The following SLC8A1 variants were observed in gnomAD, a reference collection of about 807,000 sequenced individuals.
The protein encoded by SLC8A1 is sodium/calcium exchanger 1.
In SLC8A1, 18 loss-of-function variants were observed where a neutral mutation model predicts 68.3. The observed-to-expected ratio is 0.26, with a 90% CI of 0.18 to 0.39. SLC8A1 has a LOEUF of 0.39. Among genes scored for constraint, SLC8A1 ranks in the 10% least tolerant of loss-of-function variants. The pLI, the probability that SLC8A1 is intolerant of heterozygous loss-of-function variation, is 1.00. For synonymous variants in SLC8A1, 475 were observed against 415.5 expected (o/e 1.14, Z -1.74); for missense variants, 985 against 1,156.7 (o/e 0.85, Z 2.15).
At chr2:40,481,120 T>C (rs1233537779) in intron 1 of SLC8A1, among the ~76,000 whole-genome samples, 1 of 152,206 alleles carries the variant, frequency 6.6e-6, no homozygotes, top group African/African-American at 2.4e-5. Context: ...TGTGTTTATG[T>C]GTAAGAGTGT....
At chr2:40,138,720 T>C (rs761128211) in intron 7 of SLC8A1, among the ~76,000 whole-genome samples, 7 of 152,196 alleles carry the variant, frequency 4.6e-5, no homozygotes, top group Non-Finnish European at 7.3e-5. Context: ...GTTTGAAAAT[T>C]ATTGCTATCA....
At chr2:40,339,535 T>G (rs1256521071) in intron 2 of SLC8A1, among the ~76,000 whole-genome samples, 1 of 152,162 alleles carries the variant, frequency 6.6e-6, no homozygotes, top group Non-Finnish European at 1.5e-5. Context: ...TACCAGATTG[T>G]GAAAAGATAG....
intron 2 of SLC8A1, among the ~76,000 whole-genome samples, chr2:40,326,219 T>C (rs2075811358): frequency 6.6e-6 from 1 of 152,128 alleles, no homozygotes; most frequent in African/African-American, 2.4e-5. Context: ...GCTACTGGGG[T>C]GCCTGCCCAT....
chr2:40,469,189 A>G (rs1703867617), intron 1 of SLC8A1, among the ~76,000 whole-genome samples: 1 of 152,166 alleles, frequency 6.6e-6, no homozygotes, highest in African/African-American at 2.4e-5. Context: ...TTAAACATAC[A>G]TGATGATATG....
chr2:40,391,260 C>A (rs1242978781), intron 2 of SLC8A1, among the ~76,000 whole-genome samples: 1 of 151,304 alleles, frequency 6.6e-6, no homozygotes, highest in Non-Finnish European at 1.5e-5. Context: ...TTAAGTAATT[C>A]CATTCTGGGA....
intron 2 of SLC8A1, among the ~76,000 whole-genome samples, chr2:40,277,224 T>A (rs1414701395): frequency 6.8e-6 from 1 of 147,674 alleles, no homozygotes; most frequent in Non-Finnish European, 1.5e-5. Flanking sequence ...GCCCTCTCTA[T>A]GCCTGTTTTT....
exon 8 of SLC8A1, chr2:40,107,222 G>A (rs2034257118): frequency 7.6e-6 from 1 of 131,616 alleles, no homozygotes; most frequent in Admixed American, 9.4e-5. Flanking sequence ...GGAGCTTGCA[G>A]TGAGCCGAGA....
In SLC8A1 at chr2:40,395,944, C is replaced by T. The variant is rs1202075792; in HGVS notation, c.1808+32529G>A. On this transcript the variant is annotated intron_variant, in intron 2 of 7. Transcript: ENST00000406785. The stretch of plus-strand genomic sequence containing the variant: ...CTGCCTTTTACATAGACCCTTATAA[C>T]TGTTCATACTGTTCTGTAAAATCAG... Among the ~76,000 whole-genome samples the T allele has an allele frequency of 4.6e-5, 7 of 152,216 alleles. No individual in the cohort carries two copies. The South Asian group carries it at 1.0e-3, about 23-fold the overall frequency.
intron 2 of SLC8A1, among the ~76,000 whole-genome samples, chr2:40,336,809 T>C (rs1666125791): frequency 6.6e-6 from 1 of 152,194 alleles, no homozygotes. Flanking sequence ...TTATAGACTG[T>C]GGTGTCAGAG....
chr2:40,350,556 G>T (rs1241182874), intron 2 of SLC8A1, among the ~76,000 whole-genome samples: 1 of 104,964 alleles, frequency 9.5e-6, no homozygotes, highest in Non-Finnish European at 1.7e-5. Flanking sequence ...ATAGCCCCAA[G>T]CAAGCATTAC....
chr2:40,401,030 G>A (rs1314564017), intron 2 of SLC8A1, among the ~76,000 whole-genome samples: 1 of 152,176 alleles, frequency 6.6e-6, no homozygotes, highest in Admixed American at 6.5e-5. Flanking sequence ...GTGTTTTACA[G>A]TTTAGAAAAC....
At chr2:40,259,445 CT>C (rs2064390041) in intron 2 of SLC8A1, among the ~76,000 whole-genome samples, 1 of 152,272 alleles carries the variant, frequency 6.6e-6, no homozygotes, top group Non-Finnish European at 1.5e-5. Flanking sequence ...TGCCAGAGCT[CT>C]TTCCCATTGC....
intron 2 of SLC8A1, among the ~76,000 whole-genome samples, chr2:40,294,052 CAACTAGA>C (rs1244000582): frequency 6.6e-6 from 1 of 152,010 alleles, no homozygotes; most frequent in Non-Finnish European, 1.5e-5. Flanking sequence ...AGAGGGAAAC[CAACTAGA>C]ATTTGCTGCT....
intron 2 of SLC8A1, among the ~76,000 whole-genome samples, chr2:40,302,705 G>A (rs2071758607): frequency 6.6e-6 from 1 of 152,000 alleles, no homozygotes. Flanking sequence ...AAACATGCAT[G>A]TGCAAGTATC....
At chr2:40,270,763 G>C (rs2065925251) in intron 2 of SLC8A1, among the ~76,000 whole-genome samples, 1 of 152,186 alleles carries the variant, frequency 6.6e-6, no homozygotes, top group South Asian at 2.1e-4. Flanking sequence ...TCTTGGGTGG[G>C]AGCATTACAT....
intron 1 of SLC8A1, among the ~76,000 whole-genome samples, chr2:40,450,701 T>C (rs1375311912): frequency 6.6e-6 from 1 of 152,208 alleles, no homozygotes. Context: ...AAAGTTTGTA[T>C]TGTTATATTC....
At chr2:40,402,806 A>G (rs1408731472) in intron 2 of SLC8A1, among the ~76,000 whole-genome samples, 1 of 152,176 alleles carries the variant, frequency 6.6e-6, no homozygotes, top group African/African-American at 2.4e-5. Context: ...TCATCATTCA[A>G]CTACTCAACT....
intron 1 of SLC8A1, among the ~76,000 whole-genome samples, chr2:40,499,238 A>G (rs116254026): frequency 9.1e-4 from 138 of 152,202 alleles, no homozygotes; most frequent in Middle Eastern, 3.4e-3. Context: ...GGAGTAGAGG[A>G]TAACATTGAC....
At position 40,435,199 on chromosome 2, in the gene SLC8A1, A is replaced by C. The variant is rs529505245; in HGVS notation, c.-24-4895T>G. Among the ~76,000 whole-genome samples, 14 of 152,290 alleles carry C rather than the reference A, an allele frequency of 9.2e-5. No homozygotes were observed. The South Asian group carries it at 2.9e-3, about 32-fold the overall frequency. On this transcript the variant is annotated intron_variant, in intron 1 of 7. Transcript: ENST00000406785. ...CCTTCTATGTAATTCTTGCTGACTG[A>C]AAGACTCAAAGCTAAGCAATTAATC...
Sources: allele counts gnomAD v4.1 joint callset (sites outside exome capture counted in the v4.1 genomes callset), GRCh38; gene constraint gnomAD v4.1.1; transcripts MANE v1.5; gene names NCBI Gene and HGNC (gene_info 2026-07-23, HGNC 2026-07-21).